SETDB2: variants seen among roughly 807,000 people sequenced by gnomAD.
SETDB2 encodes SET domain bifurcated histone lysine methyltransferase 2, also known as histone-lysine N-methyltransferase SETDB2.
A neutral mutation model predicts 82.5 loss-of-function variants in SETDB2; 56 were observed. That is an observed-to-expected ratio of 0.68 (90% CI 0.55 to 0.85). The LOEUF is 0.85. Among genes scored for constraint, SETDB2 ranks in the 40% least tolerant of loss-of-function variants. The pLI is 0.00. For missense variants in SETDB2, 677 were observed against 816.4 expected (o/e 0.83, Z 2.08); for synonymous variants, 272 against 284.9 (o/e 0.95, Z 0.46).
chr13:49,448,271 A>G lies in SETDB2; in HGVS notation c.-341-3282A>G, dbSNP rs374005965. 7.9e-5 allele frequency among the ~76,000 whole-genome samples: 12 copies of G among 152,306 alleles called. No individual in the cohort carries two copies. The East Asian group carries it at 1.2e-3, about 15-fold the overall frequency. Reference sequence around the variant, plus strand: ...TTCGTCTGTGCTCAGGTTCATTGACATAAAACTGTCTGAATTTTAAAATGT... The same window carrying G: ...TTCGTCTGTGCTCAGGTTCATTGACGTAAAACTGTCTGAATTTTAAAATGT... On this transcript the variant is annotated intron_variant, in intron 1 of 13. Coordinates refer to ENST00000611815, the MANE Select transcript of SETDB2 (RefSeq NM_001160308.3).
intron 5 of SETDB2, among the ~76,000 whole-genome samples, chr13:49,470,801 C>T (rs915168221): frequency 5.3e-5 from 8 of 152,198 alleles, no homozygotes; most frequent in East Asian, 1.9e-4. Context: ...GCCATGATCG[C>T]GCCTCCGCAC....
At chr13:49,489,927 T>G (rs201685717) in intron 12 of SETDB2, among the ~76,000 whole-genome samples, 1 of 78,546 alleles carries the variant, frequency 1.3e-5, no homozygotes, top group East Asian at 4.0e-4. Context: ...CCTTTTTTTT[T>G]TACATAAAAC....
chr13:49,446,968 C>G (rs897108390), intron 1 of SETDB2, among the ~76,000 whole-genome samples: 1 of 152,168 alleles, frequency 6.6e-6, no homozygotes, highest in African/African-American at 2.4e-5. Context: ...AATACCTCTA[C>G]TAATTTACAT....
chr13:49,453,438 A>C (rs1391745061), intron 2 of SETDB2, among the ~76,000 whole-genome samples: 3 of 151,970 alleles, frequency 2.0e-5, no homozygotes, highest in Non-Finnish European at 4.4e-5. Flanking sequence ...CTAGGATTAC[A>C]GGTGTGTGCC....
At chr13:49,490,052 A>C (rs1329745073) in intron 12 of SETDB2, among the ~76,000 whole-genome samples, 3 of 150,230 alleles carry the variant, frequency 2.0e-5, no homozygotes, top group African/African-American at 7.3e-5. Flanking sequence ...CAAGGCAGGC[A>C]GATCACTTGA....
At chr13:49,447,395 T>C (rs1957709716) in intron 1 of SETDB2, among the ~76,000 whole-genome samples, 1 of 152,140 alleles carries the variant, frequency 6.6e-6, no homozygotes, top group Admixed American at 6.5e-5. Context: ...TGAATTTCTC[T>C]AAGACTTCCA....
At chr13:49,482,690 G>A (rs1299880966) in intron 8 of SETDB2, 47 bp from the exon 9 acceptor site, 2 of 1,202,812 alleles carry the variant, frequency 1.7e-6, no homozygotes, top group East Asian at 2.4e-5. Context: ...TTTATCATTA[G>A]CAATTATCTT....
At position 49,488,367 on chromosome 13, in the gene SETDB2, T is replaced by G; in HGVS notation, c.1654T>G (p.Tyr552Asp). 2.5e-6 allele frequency: 4 copies of G among 1,612,040 alleles called. No homozygotes were observed. The South Asian group carries it at 4.4e-5, about 18-fold the overall frequency. Residue 552 changes from tyrosine (Y) to aspartate (D), a missense_variant, in exon 12 of 14, where the codon TAT becomes GAT. This residue lies in a region of SETDB2 where 420 missense variants were observed against 554.6 expected (regional missense o/e 0.76). Transcript: ENST00000611815. ...ATCAGATGTGATAGATATAACTAAATATAGAGAAGAAACTCCACCAAGGAG... is the reference window on the plus strand; with the variant it reads ...ATCAGATGTGATAGATATAACTAAAGATAGAGAAGAAACTCCACCAAGGAG... ...IESDVIDITK[Y>D]REETPPRSRC...
chr13:49,482,717 C>G lies in SETDB2; in HGVS notation c.1157-20C>G. On this transcript the variant is annotated intron_variant, in intron 8 of 13. Transcript: ENST00000611815. ...AATTATCTTCTGTGTTGTTCAAACT[C>G]TTTAACATTTTCCTTTTAGGAAGAT... 6.6e-7 allele frequency: 1 copy of G among 1,521,086 alleles called. No homozygotes were observed. Among genetic ancestry groups the G allele is most frequent in the Non-Finnish European group, 9.1e-7 (1 of 1,101,802 alleles). The allele number at this position is 1,521,086 out of a possible 1,614,324, so 94.2% of individuals were successfully genotyped here. A position where few individuals can be genotyped will look rare whatever the true frequency, so the allele number is the denominator to read the frequency against.
intron 5 of SETDB2, among the ~76,000 whole-genome samples, chr13:49,470,966 C>CTCTCTTTT (rs1958223613): frequency 2.5e-5 from 2 of 80,484 alleles, no homozygotes; most frequent in African/African-American, 1.2e-4. Flanking sequence ...TTCTTTCTTT[C>CTCTCTTTT]TTTTTTTTTT....
rs1414628983 is a variant in SETDB2 at position 49,480,341 on chromosome 13, G to T, written c.986+6G>T. 11 of 1,544,976 alleles carry T rather than the reference G, an allele frequency of 7.1e-6. 1 individual carries two copies. Among genetic ancestry groups the T allele is most frequent in the Non-Finnish European group, 9.7e-6 (11 of 1,137,586 alleles). On this transcript the variant is annotated splice_donor_region_variant and intron_variant, in intron 7 of 13. Transcript: ENST00000611815. ...CAGAGACAGATTCCTACTGGGTAAG[G>T]TACCTTGAGGATTTGTTGCAGGGTG...
At chr13:49,465,505 G>A (rs969984120) in intron 4 of SETDB2, among the ~76,000 whole-genome samples, 2 of 151,722 alleles carry the variant, frequency 1.3e-5, no homozygotes, top group Non-Finnish European at 2.9e-5. Context: ...AGTTATAGCT[G>A]TGAACCAAAA....
At chr13:49,463,126 C>T (rs1412943326) in intron 4 of SETDB2, among the ~76,000 whole-genome samples, 2 of 152,110 alleles carry the variant, frequency 1.3e-5, no homozygotes, top group African/African-American at 2.4e-5. Flanking sequence ...CTGCCCCAGC[C>T]TCCCGAGTAG....
chr13:49,472,342 C>G (rs552804462), intron 5 of SETDB2, among the ~76,000 whole-genome samples: 4 of 152,198 alleles, frequency 2.6e-5, no homozygotes, highest in African/African-American at 9.6e-5. Flanking sequence ...GCTAGATAAT[C>G]AGTTGGCAGC....
Position 49,474,265 on chromosome 13 carries a change from C to A in SETDB2, c.306-2211C>A, listed in dbSNP as rs913047568. ...CAATAGATTGAAACTCACTCTCTCT[C>A]AAAAAAAAAAGATTTCTAAATAAAT... is the stretch of plus-strand genomic sequence containing the variant. On this transcript the variant is annotated intron_variant, in intron 5 of 13. Transcript: ENST00000611815. Among the ~76,000 whole-genome samples the A allele has an allele frequency of 6.3e-4, 93 of 148,114 alleles. 1 individual carries two copies. Among genetic ancestry groups the A allele is most frequent in the African/African-American group, 2.2e-3 (88 of 40,536 alleles).
At position 49,476,919 on chromosome 13, in the gene SETDB2, A is replaced by G. The variant is rs1566169591; in HGVS notation, c.749A>G (p.Asp250Gly). 1 of 1,614,214 alleles carries G rather than the reference A, an allele frequency of 6.2e-7. No individual in the cohort carries two copies. The highest frequency in any genetic ancestry group is 8.5e-7 in the Non-Finnish European group (1 of 1,180,038). ...SVPISFCNEI[D>G]SRKLPQFKYR... ...CCCATTTCTTTCTGTAATGAAATTGACAGTAGAAAGCTCCCACAGTTTAAG... is the reference window on the plus strand; with the variant it reads ...CCCATTTCTTTCTGTAATGAAATTGGCAGTAGAAAGCTCCCACAGTTTAAG... The change falls in exon 6 of 14, where the codon GAC (aspartate) becomes GGC (glycine). Residue 250 changes from aspartate to glycine, a missense_variant. By Grantham distance (94) the Asp-to-Gly change is moderately conservative (BLOSUM62 -1). Around this residue, in one of 3 missense-constraint regions of SETDB2, gnomAD observed 420 missense variants for 554.6 expected, o/e 0.76. Coordinates refer to ENST00000611815, the MANE Select transcript of SETDB2 (RefSeq NM_001160308.3).
chr13:49,475,800 T>A lies in SETDB2; in HGVS notation c.306-676T>A, dbSNP rs150976488. On this transcript the variant is annotated intron_variant, in intron 5 of 13. Coordinates refer to ENST00000611815, the MANE Select transcript of SETDB2 (RefSeq NM_001160308.3). ...ATCACACCCTGCCGACTTTTTTTTT[T>A]ATTTTATTAATAACCACCCCATTTT... Among the ~76,000 whole-genome samples the A allele has an allele frequency of 7.8e-3, 1,181 of 152,178 alleles. 15 individuals are homozygous for A. Among genetic ancestry groups the A allele is most frequent in the African/African-American group, 0.027 (1,106 of 41,500 alleles).
intron 5 of SETDB2, among the ~76,000 whole-genome samples, chr13:49,470,966 CTTTT>C (rs55920370): frequency 1.2e-5 from 1 of 80,486 alleles, no homozygotes; most frequent in African/African-American, 5.9e-5. Flanking sequence ...TTCTTTCTTT[CTTTT>C]TTTTTTTTTT....
intron 4 of SETDB2, among the ~76,000 whole-genome samples, chr13:49,461,667 A>G (rs536628123): frequency 6.6e-6 from 1 of 152,342 alleles, no homozygotes; most frequent in South Asian, 2.1e-4. Context: ...TGGGTTTTCC[A>G]TGCCATGCAA....
Sources: allele counts gnomAD v4.1 joint callset (sites outside exome capture counted in the v4.1 genomes callset), GRCh38; gene constraint gnomAD v4.1.1; regional missense constraint gnomAD v4.1.1; transcripts MANE v1.5; gene names NCBI Gene and HGNC (gene_info 2026-07-23, HGNC 2026-07-21).